Variants in MDM4 observed in about 807,000 individuals in gnomAD.
MDM4 encodes the protein MDM4 regulator of p53.
Under a neutral mutation model 60.2 loss-of-function variants are expected in MDM4, and 2 were observed. The observed-to-expected ratio is 0.03, with a 90% CI of 0.01 to 0.10. MDM4 has a LOEUF of 0.10. Among genes scored for constraint, MDM4 ranks in the 10% least tolerant of loss-of-function variants. MDM4 has a pLI of 1.00. For missense variants in MDM4, 447 were observed against 577.5 expected, an observed-to-expected ratio of 0.77 and a Z score of 2.32; for synonymous variants, 202 against 198.1, an observed-to-expected ratio of 1.02 and a Z score of -0.17.
At position 204,550,180 on chromosome 1, in the gene MDM4, G is replaced by A. The variant is rs991815160; in HGVS notation, c.*498G>A. 3 of 231,592 alleles carry A rather than the reference G, an allele frequency of 1.3e-5. No homozygotes were observed. Among genetic ancestry groups the A allele is most frequent in the African/African-American group, 2.2e-5 (1 of 44,472 alleles). The allele number at this position is 231,592 out of a possible 1,614,324, so 14.3% of individuals were successfully genotyped here. ...TTTTCCGGGGGTATAGGGGAGGTGTGGGGCGACAGGGTCTGTCTTGTTCTG... is the reference window on the plus strand; with the variant it reads ...TTTTCCGGGGGTATAGGGGAGGTGTAGGGCGACAGGGTCTGTCTTGTTCTG... On this transcript the variant is annotated 3_prime_UTR_variant, in exon 11 of 11. Coordinates refer to ENST00000367182, the MANE Select transcript of MDM4 (RefSeq NM_002393.5).
chr1:204,519,028 A>C (rs1167735808), intron 1 of MDM4, among the ~76,000 whole-genome samples: 1 of 152,200 alleles, frequency 6.6e-6, no homozygotes, highest in Non-Finnish European at 1.5e-5. Context: ...AGGATGAATC[A>C]GTTTTGTACA....
In MDM4 at chr1:204,550,246, T is replaced by C; in HGVS notation, c.*564T>C. ...TGCAGTGCAGTGGTATGATCATGGC[T>C]CACTGCAGCCTTGGTTTCCTGGGCA... On this transcript the variant is annotated 3_prime_UTR_variant, in exon 11 of 11. Coordinates refer to ENST00000367182, the MANE Select transcript of MDM4 (RefSeq NM_002393.5). 4.3e-6 allele frequency: 1 copy of C among 231,772 alleles called. No individual in the cohort carries two copies. Among genetic ancestry groups the C allele is most frequent in the East Asian group, 6.1e-5 (1 of 16,390 alleles). 14.4% of individuals were successfully genotyped at this position (231,772 alleles called of 1,614,324 possible).
intron 1 of MDM4, among the ~76,000 whole-genome samples, chr1:204,523,472 A>ATTTT (rs1558310638): frequency 2.2e-5 from 2 of 89,064 alleles, no homozygotes; most frequent in Admixed American, 1.3e-4. Context: ...ACCTAAAAAA[A>ATTTT]ATTTTTTTTT....
chr1:204,538,263 C>A lies in MDM4; in HGVS notation c.466C>A (p.Pro156Thr), dbSNP rs2102396101. Residue 156 changes from proline to threonine, a missense_variant, in exon 7 of 11, where the codon CCC (proline) becomes ACC (threonine). Transcript: ENST00000367182. ...SRKRTTEDDIPTLPTSEHKCI... is the reference protein window; with the variant it reads ...SRKRTTEDDITTLPTSEHKCI... ...AAAAAGAACTACAGAAGACGATATC[C>A]CCACACTGCCTACCTCAGAGCATAA... is the stretch of plus-strand genomic sequence containing the variant. 1 of 1,610,776 alleles carries A rather than the reference C, an allele frequency of 6.2e-7. No individual in the cohort carries two copies. Among genetic ancestry groups the A allele is most frequent in the Non-Finnish European group, 8.5e-7 (1 of 1,176,974 alleles).
intron 1 of MDM4, 88 bp from the exon 2 acceptor site, chr1:204,525,394 CTT>C: frequency 1.4e-6 from 2 of 1,451,172 alleles, no homozygotes; most frequent in Non-Finnish European, 1.8e-6. Context: ...TCATATGTGT[CTT>C]TTACTTCTGC....
At chr1:204,532,925 A>T in intron 5 of MDM4, 6 of 1,287,244 alleles carry the variant, frequency 4.7e-6, no homozygotes. Context: ...AGAAAGCTTT[A>T]TAGGTAATGC....
chr1:204,518,704 C>T lies in MDM4; in HGVS notation c.-36+2195C>T, dbSNP rs192152853. 4.0e-3 allele frequency among the ~76,000 whole-genome samples: 613 copies of T among 152,280 alleles called. 3 individuals carry two copies. Among genetic ancestry groups the T allele is most frequent in the South Asian group, 6.6e-3 (32 of 4,830 alleles). The stretch of plus-strand genomic sequence containing the variant: ...CTCAGATGGCTTTAGCATCCCCTAC[C>T]CCTGCCACTGGAGTGAAGTGGTATG... On this transcript the variant is annotated intron_variant, in intron 1 of 10. Coordinates refer to ENST00000367182, the MANE Select transcript of MDM4 (RefSeq NM_002393.5).
In MDM4 at chr1:204,542,881, A is replaced by G. The variant is rs1170928203; in HGVS notation, c.609A>G (p.Leu203=). ...WDVAGLPWWF[L]GNLRSNYTPR... is the part of the protein sequence containing the mutation. Reference sequence around the variant, plus strand: ...TAGCTGGCCTGCCTTGGTGGTTTTTAGGAAACTTGAGAAGCAACTATACAC... The same window carrying G: ...TAGCTGGCCTGCCTTGGTGGTTTTTGGGAAACTTGAGAAGCAACTATACAC... The change falls in exon 8 of 11, where the codon TTA becomes TTG. Residue 203 remains leucine, a synonymous_variant. Transcript: ENST00000367182. 6 of 1,614,002 alleles carry G rather than the reference A, an allele frequency of 3.7e-6. No individual in the cohort carries two copies. In the East Asian group the frequency reaches 1.3e-4, roughly 36 times the overall value.
At chr1:204,518,517 T>A (rs569235496) in intron 1 of MDM4, among the ~76,000 whole-genome samples, 18 of 152,334 alleles carry the variant, frequency 1.2e-4, no homozygotes, top group African/African-American at 4.3e-4. Flanking sequence ...TTTGGATTAT[T>A]TATCTTTTGG....
chr1:204,537,053 TTTTG>T (rs1661499821), intron 5 of MDM4: 1 of 252,576 alleles, frequency 4.0e-6, no homozygotes, highest in African/African-American at 2.3e-5. Context: ...ACTCTTTTCC[TTTTG>T]TTTGTGAGTT....
chr1:204,526,417 A>G lies in MDM4; in HGVS notation c.136A>G (p.Met46Val). 6.2e-7 allele frequency: 1 copy of G among 1,612,468 alleles called. No homozygotes were observed. The highest frequency in any genetic ancestry group is 8.5e-7 in the Non-Finnish European group (1 of 1,178,958). The change falls in exon 3 of 11, where the codon ATG becomes GTG. Residue 46 changes from methionine to valine, a missense_variant. Met to Val is a conservative substitution (Grantham distance 21, BLOSUM62 1). Coordinates refer to ENST00000367182, the MANE Select transcript of MDM4 (RefSeq NM_002393.5). ...GCATGCAGCAGGTGCGCAAGGTGAAATGTTCACTGTTAAAGAGGTAAGCCA... is the reference window on the plus strand; with the variant it reads ...GCATGCAGCAGGTGCGCAAGGTGAAGTGTTCACTGTTAAAGAGGTAAGCCA... ...ILHAAGAQGE[M>V]FTVKEVMHYL...
At chr1:204,525,703 A>G (rs1660068207) in intron 2 of MDM4, 107 bp downstream of exon 2, 3 of 748,134 alleles carry the variant, frequency 4.0e-6, no homozygotes, top group Non-Finnish European at 4.2e-6. Flanking sequence ...AAGTCAAGGC[A>G]GGAAGCTTAC....
intron 7 of MDM4, among the ~76,000 whole-genome samples, chr1:204,542,558 G>C (rs1662212395): frequency 6.6e-6 from 1 of 151,048 alleles, no homozygotes; most frequent in Admixed American, 6.6e-5. Flanking sequence ...GTTTAAACTT[G>C]ATAAACGATG....
intron 1 of MDM4, among the ~76,000 whole-genome samples, chr1:204,522,726 G>C (rs982432769): frequency 6.6e-6 from 1 of 152,026 alleles, no homozygotes; most frequent in Admixed American, 6.6e-5. Flanking sequence ...TTTAAATTGT[G>C]CTTGTTTCCT....
intron 1 of MDM4, among the ~76,000 whole-genome samples, chr1:204,524,512 C>G (rs1437854305): frequency 6.6e-6 from 1 of 152,246 alleles, no homozygotes; most frequent in Non-Finnish European, 1.5e-5. Flanking sequence ...GGCATGGTGG[C>G]TCACGCCTGT....
At chr1:204,527,507 G>C (rs2102330824) in intron 3 of MDM4, among the ~76,000 whole-genome samples, 1 of 152,142 alleles carries the variant, frequency 6.6e-6, no homozygotes, top group South Asian at 2.1e-4. Context: ...TACAAAACTA[G>C]CTTGGCATGG....
intron 3 of MDM4, among the ~76,000 whole-genome samples, chr1:204,526,818 G>GA: frequency 6.6e-6 from 1 of 152,246 alleles, no homozygotes; most frequent in Non-Finnish European, 1.5e-5. Flanking sequence ...ATGTAGTTTT[G>GA]AAATCAGGCC....
chr1:204,531,986 G>T (rs1462959879), intron 4 of MDM4, among the ~76,000 whole-genome samples: 1 of 152,136 alleles, frequency 6.6e-6, no homozygotes, highest in African/African-American at 2.4e-5. Flanking sequence ...TTTAATGGGG[G>T]CAGAGTAACA....
In MDM4 at chr1:204,551,618, A is replaced by G. The variant is rs1663214292; in HGVS notation, c.*1936A>G. On this transcript the variant is annotated 3_prime_UTR_variant, in exon 11 of 11. Coordinates refer to ENST00000367182, the MANE Select transcript of MDM4 (RefSeq NM_002393.5). ...ATTGGACATCTTTAAGTTGGTTTCC[A>G]TAGAGCTATGCATGTATCCTTACCC... 4.3e-6 allele frequency: 1 copy of G among 231,920 alleles called. No individual in the cohort carries two copies. Among genetic ancestry groups the G allele is most frequent in the Admixed American group, 5.6e-5 (1 of 17,720 alleles). 14.4% of individuals were successfully genotyped at this position (231,920 alleles called of 1,614,324 possible).
Sources: allele counts gnomAD v4.1 joint callset (sites outside exome capture counted in the v4.1 genomes callset), GRCh38; gene constraint gnomAD v4.1.1; transcripts MANE v1.5; gene names NCBI Gene and HGNC (gene_info 2026-07-23, HGNC 2026-07-21).